The following SRBD1 variants were observed in gnomAD, a reference collection of about 807,000 sequenced individuals.
SRBD1 encodes the protein S1 RNA-binding domain-containing protein 1.
Under a neutral mutation model 115.3 loss-of-function variants are expected in SRBD1, and 88 were observed. That is an observed-to-expected ratio of 0.76 (90% CI 0.64 to 0.91). SRBD1 has a LOEUF of 0.91. SRBD1 is among the 40% of genes least tolerant of loss of function. SRBD1 has a pLI of 0.00. For missense variants in SRBD1, 1,385 were observed against 1,177.4 expected (o/e 1.18, Z -2.58); for synonymous variants, 509 against 407.7 (o/e 1.25, Z -2.99).
At chr2:45,474,547 C>G (rs1302619700) in intron 16 of SRBD1, among the ~76,000 whole-genome samples, 1 of 152,198 alleles carries the variant, frequency 6.6e-6, no homozygotes, top group Non-Finnish European at 1.5e-5. Flanking sequence ...TCACAGTATA[C>G]TGGAGGAGGA....
intron 14 of SRBD1, among the ~76,000 whole-genome samples, chr2:45,496,069 A>T (rs2103877905): frequency 6.6e-6 from 1 of 152,344 alleles, no homozygotes; most frequent in East Asian, 1.9e-4. Flanking sequence ...GTGCACCTTC[A>T]TTCAGATACA....
chr2:45,590,312 G>T (rs1673679279), intron 4 of SRBD1, among the ~76,000 whole-genome samples: 1 of 152,172 alleles, frequency 6.6e-6, no homozygotes, highest in South Asian at 2.1e-4. Context: ...GCTTTGAAAC[G>T]AAGACAATAA....
At chr2:45,570,446 G>C (rs1273290179) in intron 9 of SRBD1, among the ~76,000 whole-genome samples, 1 of 152,180 alleles carries the variant, frequency 6.6e-6, no homozygotes, top group Non-Finnish European at 1.5e-5. Context: ...CCACACTCCA[G>C]CTCTGGAATA....
At chr2:45,593,757 T>C (rs1199723192) in intron 4 of SRBD1, among the ~76,000 whole-genome samples, 1 of 152,220 alleles carries the variant, frequency 6.6e-6, no homozygotes. Context: ...TTTCTGCTGT[T>C]CTCCTTACCC....
chr2:45,533,966 T>C (rs1397033782), intron 14 of SRBD1, among the ~76,000 whole-genome samples: 1 of 152,040 alleles, frequency 6.6e-6, no homozygotes, highest in African/African-American at 2.4e-5. Context: ...CACTGGGCTT[T>C]AGGCCATTTC....
intron 16 of SRBD1, among the ~76,000 whole-genome samples, chr2:45,459,819 C>G (rs1003313288): frequency 6.6e-6 from 1 of 152,084 alleles, no homozygotes; most frequent in Non-Finnish European, 1.5e-5. Context: ...ACTTTGGGGT[C>G]CAGGGCTCTG....
chr2:45,525,475 AAC>A (rs1234379049), intron 14 of SRBD1, among the ~76,000 whole-genome samples: 3 of 152,146 alleles, frequency 2.0e-5, no homozygotes, highest in Non-Finnish European at 4.4e-5. Flanking sequence ...AAAAAATAGT[AAC>A]AGTTTCAGTT....
chr2:45,601,607 A>C (rs1376093094), intron 3 of SRBD1, among the ~76,000 whole-genome samples: 1 of 152,240 alleles, frequency 6.6e-6, no homozygotes, highest in Non-Finnish European at 1.5e-5. Flanking sequence ...TATAAAGATT[A>C]AGATCATTTA....
At chr2:45,568,849 T>C (rs1672917250) in intron 9 of SRBD1, among the ~76,000 whole-genome samples, 1 of 152,254 alleles carries the variant, frequency 6.6e-6, no homozygotes. Context: ...CTATTAAAAA[T>C]TACTTTTCAT....
At chr2:45,579,218 C>CT (rs1356156209) in intron 7 of SRBD1, among the ~76,000 whole-genome samples, 1 of 152,198 alleles carries the variant, frequency 6.6e-6, no homozygotes, top group Non-Finnish European at 1.5e-5. Flanking sequence ...TCTTCCCTCT[C>CT]TTATTCTCTG....
chr2:45,545,854 G>A (rs1672103950), intron 14 of SRBD1, among the ~76,000 whole-genome samples: 1 of 152,104 alleles, frequency 6.6e-6, no homozygotes, highest in African/African-American at 2.4e-5. Flanking sequence ...TAACTGCCTG[G>A]CCTTTACCTT....
chr2:45,582,502 G>A (rs1004983691), intron 5 of SRBD1, among the ~76,000 whole-genome samples: 10 of 152,004 alleles, frequency 6.6e-5, no homozygotes, highest in Non-Finnish European at 1.2e-4. Context: ...TTGTGGAGAG[G>A]TACTTTGAGA....
intron 14 of SRBD1, among the ~76,000 whole-genome samples, chr2:45,528,103 C>G (rs982171513): frequency 3.3e-5 from 5 of 151,766 alleles, no homozygotes; most frequent in African/African-American, 4.8e-5. Context: ...TGGGCTAATT[C>G]TTATAATGAA....
chr2:45,407,239 A>G (rs1667462921), intron 19 of SRBD1, among the ~76,000 whole-genome samples: 1 of 152,220 alleles, frequency 6.6e-6, no homozygotes, highest in Non-Finnish European at 1.5e-5. Flanking sequence ...GGAAGTAGTC[A>G]ATGAAGGTTG....
chr2:45,521,693 A>C (rs1671287775), intron 14 of SRBD1, among the ~76,000 whole-genome samples: 1 of 152,140 alleles, frequency 6.6e-6, no homozygotes, highest in Admixed American at 6.5e-5. Context: ...ATCCAAAAGG[A>C]TTGAAAGCAG....
chr2:45,559,396 C>T (rs1036806858), intron 10 of SRBD1, among the ~76,000 whole-genome samples: 1 of 152,154 alleles, frequency 6.6e-6, no homozygotes, highest in African/African-American at 2.4e-5. Flanking sequence ...TCCAACCTAC[C>T]TAGCTGTCAA....
At chr2:45,420,950 GTGGTAGCACTATC>G (rs1667980527) in intron 16 of SRBD1, among the ~76,000 whole-genome samples, 1 of 152,168 alleles carries the variant, frequency 6.6e-6, no homozygotes, top group Non-Finnish European at 1.5e-5. Flanking sequence ...TGCCATGTTG[GTGGTAGCACTATC>G]TGAATCTTAA....
At chr2:45,455,387 T>C (rs1342522499) in intron 16 of SRBD1, among the ~76,000 whole-genome samples, 1 of 151,910 alleles carries the variant, frequency 6.6e-6, no homozygotes, top group South Asian at 2.1e-4. Flanking sequence ...GATTTAGGAA[T>C]AGAGTTTTTA....
chr2:45,605,552 C>A, intron 1 of SRBD1, 111 bp from the exon 2 acceptor site: 2 of 1,015,742 alleles, frequency 2.0e-6, no homozygotes, highest in Non-Finnish European at 3.0e-6. Flanking sequence ...AAAACAAAAA[C>A]AATGATGTTT....
Sources: gnomAD v4.1 joint callset for allele counts (sites outside exome capture counted in the v4.1 genomes callset) on GRCh38, gnomAD v4.1.1 for gene constraint, MANE v1.5 for transcripts, NCBI Gene and HGNC (gene_info 2026-07-23, HGNC 2026-07-21) for gene names.